The following TMEM71 variants were observed in gnomAD, a reference collection of about 807,000 sequenced individuals.
The protein encoded by TMEM71 is transmembrane protein 71.
In TMEM71, 44 loss-of-function variants were observed where a neutral mutation model predicts 38.0. The observed-to-expected ratio is 1.16, with a 90% CI of 0.91 to 1.49. The LOEUF (loss-of-function observed/expected upper bound fraction) is 1.49. Ranked by LOEUF, TMEM71 falls within the 40% of genes most tolerant of loss-of-function variation. The probability of loss-of-function intolerance (pLI) is 0.00; values close to 1 mark genes in which losing one functional copy is unlikely to be tolerated. For missense variants in TMEM71, 367 were observed against 348.6 expected, an observed-to-expected ratio of 1.05 and a Z score of -0.42; for synonymous variants, 133 against 122.5, an observed-to-expected ratio of 1.09 and a Z score of -0.56.
intron 5 of TMEM71, among the ~76,000 whole-genome samples, chr8:132,733,451 G>A (rs1054964447): frequency 1.3e-5 from 2 of 152,226 alleles, no homozygotes; most frequent in Non-Finnish European, 2.9e-5. Context: ...GCGACTTCAA[G>A]AGAGGAGAAT....
In TMEM71 at chr8:132,727,856, A is replaced by T; in HGVS notation, c.618T>A (p.Ser206=). ...QPPGGNSHSL[S]LQSQLTASER... is the part of the protein sequence containing the mutation. ...CAGAAGCTGTCAACTGGGACTGAAG[A>T]GACAAGCTATGGGAGTTTCCTCCAG... is the stretch of plus-strand genomic sequence containing the variant. The change falls in exon 6 of 10, where the codon TCT becomes TCA. Residue 206 remains serine (S), a synonymous_variant. Coordinates refer to ENST00000677595, the MANE Select transcript of TMEM71 (RefSeq NM_001382403.1). 1 of 1,614,116 alleles carries T rather than the reference A, an allele frequency of 6.2e-7. No individual in the cohort carries two copies. The highest frequency in any genetic ancestry group is 1.1e-5 in the South Asian group (1 of 91,048).
Position 132,728,003 on chromosome 8 carries a change from G to T in TMEM71, c.488-17C>A, listed in dbSNP as rs372815944. The T allele has an allele frequency of 5.7e-6, 9 of 1,574,090 alleles. No individual in the cohort carries two copies. In the African/African-American group the frequency reaches 6.3e-5, roughly 11 times the overall value. On this transcript the variant is annotated splice_polypyrimidine_tract_variant and intron_variant, in intron 5 of 9. Transcript: ENST00000677595. ...AATCATCTGCTGAAAAAGCAGAGGG[G>T]TTCAGTGTGAGTGTGTGTGTGTGTG...
upstream of TMEM71, among the ~76,000 whole-genome samples, chr8:132,764,471 T>C (rs1829339799): frequency 6.6e-6 from 1 of 152,168 alleles, no homozygotes; most frequent in Non-Finnish European, 1.5e-5. Flanking sequence ...CCCTTGCTCC[T>C]CTCTCCTGTG....
chr8:132,709,747 T>G (rs1281870273), downstream of TMEM71, among the ~76,000 whole-genome samples: 1 of 152,100 alleles, frequency 6.6e-6, no homozygotes, highest in Non-Finnish European at 1.5e-5. Flanking sequence ...GGAAAATAAC[T>G]CTGCTGACCT....
chr8:132,707,158 C>T (rs1826106101), downstream of TMEM71, among the ~76,000 whole-genome samples: 1 of 152,072 alleles, frequency 6.6e-6, no homozygotes, highest in Non-Finnish European at 1.5e-5. Flanking sequence ...ACCCAATAGG[C>T]ATATTAAACA....
chr8:132,731,656 C>G (rs918585153), intron 5 of TMEM71, among the ~76,000 whole-genome samples: 4 of 152,136 alleles, frequency 2.6e-5, no homozygotes, highest in African/African-American at 9.7e-5. Context: ...CTGGGAAAGA[C>G]CAACCTGACC....
In TMEM71 at chr8:132,710,973, T is replaced by G. The variant is rs1826201884; in HGVS notation, c.882A>C (p.Lys294Asn). The G allele has an allele frequency of 6.2e-7, 1 of 1,606,338 alleles. No individual in the cohort carries two copies. Among genetic ancestry groups the G allele is most frequent in the Non-Finnish European group, 8.5e-7 (1 of 1,177,872 alleles). Residue 294 changes from lysine to asparagine, a missense_variant, in exon 10 of 10, where the codon AAA becomes AAC. Physicochemically the swap from Lys to Asn is moderately conservative, Grantham distance 94. Coordinates refer to ENST00000677595, the MANE Select transcript of TMEM71 (RefSeq NM_001382403.1). ...AGGCATTCCTAAATGGTTGTCAAAT[T>G]TTGACAAACCTAGATTGGAGAAATA... is the stretch of plus-strand genomic sequence containing the variant. The part of the protein sequence containing the change: ...FKTTACARFV[K>N]I
chr8:132,724,910 T>G (rs1021158986), intron 6 of TMEM71, among the ~76,000 whole-genome samples: 3 of 152,208 alleles, frequency 2.0e-5, no homozygotes, highest in Admixed American at 2.0e-4. Flanking sequence ...ACTCAATTAC[T>G]GGCCTCTTGT....
Position 132,758,857 on chromosome 8 carries a change from A to G in TMEM71, c.23T>C (p.Met8Thr), listed in dbSNP as rs1829176554. 1.9e-6 allele frequency: 3 copies of G among 1,613,824 alleles called. No homozygotes were observed. Among genetic ancestry groups the G allele is most frequent in the South Asian group, 2.2e-5 (2 of 91,078 alleles). The change falls in exon 2 of 10, where the codon ATG becomes ACG. Residue 8 changes from methionine to threonine, a missense_variant. Met to Thr is a moderately conservative substitution (Grantham distance 81, BLOSUM62 -1). Coordinates refer to ENST00000677595, the MANE Select transcript of TMEM71 (RefSeq NM_001382403.1). The part of the protein sequence containing the change: MYRISQL[M>T]STPVASSSRL... ...ACATTTACTTGCTACTGGTGTTGACATCAGTTGAGATATTCGGTACATCTT... is the reference window on the plus strand; with the variant it reads ...ACATTTACTTGCTACTGGTGTTGACGTCAGTTGAGATATTCGGTACATCTT...
intron 3 of TMEM71, among the ~76,000 whole-genome samples, 196 bp from the exon 4 acceptor site, chr8:132,752,193 C>T (rs1828754223): frequency 6.6e-6 from 1 of 152,196 alleles, no homozygotes; most frequent in Non-Finnish European, 1.5e-5. Flanking sequence ...ACTACAGAAA[C>T]TTTAGCGTTT....
Position 132,714,179 on chromosome 8 carries a change from T to G in TMEM71, c.789A>C (p.Thr263=). The G allele has an allele frequency of 1.2e-6, 2 of 1,612,888 alleles. No homozygotes were observed. The highest frequency in any genetic ancestry group is 1.7e-6 in the Non-Finnish European group (2 of 1,179,644). ...FMGEILASVF[T]CSLMITVAYV... ...AAGCTACAGTTATCATCAATGAGCATGTGAAGACACTGGCTAATATTTCTC... is the reference window on the plus strand; with the variant it reads ...AAGCTACAGTTATCATCAATGAGCAGGTGAAGACACTGGCTAATATTTCTC... The change falls in exon 8 of 10, where the codon ACA becomes ACC. Residue 263 remains threonine, a synonymous_variant. Transcript: ENST00000677595.
chr8:132,744,956 C>G (rs1343076787), intron 5 of TMEM71, among the ~76,000 whole-genome samples: 1 of 152,014 alleles, frequency 6.6e-6, no homozygotes, highest in Non-Finnish European at 1.5e-5. Context: ...ATAAATGGAG[C>G]TGGGATAGCT....
intron 7 of TMEM71, among the ~76,000 whole-genome samples, chr8:132,716,512 C>T (rs367914861): frequency 2.6e-5 from 4 of 152,184 alleles, no homozygotes; most frequent in African/African-American, 9.7e-5. Flanking sequence ...AGTGATGCCT[C>T]TTTTTATCCT....
At chr8:132,748,792 T>C (rs1049068062) in intron 4 of TMEM71, among the ~76,000 whole-genome samples, 1 of 152,208 alleles carries the variant, frequency 6.6e-6, no homozygotes, top group African/African-American at 2.4e-5. Context: ...CAAGAATATC[T>C]ATATAACAAG....
chr8:132,721,750 G>A (rs1344257411), intron 7 of TMEM71, among the ~76,000 whole-genome samples: 1 of 151,812 alleles, frequency 6.6e-6, no homozygotes, highest in Non-Finnish European at 1.5e-5. Flanking sequence ...TGGTCAGGCT[G>A]GTCTCGAACT....
In TMEM71 at chr8:132,758,884, G is replaced by C. The variant is rs995441818; in HGVS notation, c.-5C>G. On this transcript the variant is annotated 5_prime_UTR_variant, in exon 2 of 10. Transcript: ENST00000677595. ...CAGTTGAGATATTCGGTACATCTTGGGAAGGCCGCTTGCTCAAACTTCACA... is the reference window on the plus strand; with the variant it reads ...CAGTTGAGATATTCGGTACATCTTGCGAAGGCCGCTTGCTCAAACTTCACA... The C allele has an allele frequency of 6.2e-7, 1 of 1,613,394 alleles. No homozygotes were observed. Among genetic ancestry groups the C allele is most frequent in the Non-Finnish European group, 8.5e-7 (1 of 1,179,606 alleles).
chr8:132,732,015 G>A (rs1025724305), intron 5 of TMEM71, among the ~76,000 whole-genome samples: 6 of 152,166 alleles, frequency 3.9e-5, no homozygotes, highest in East Asian at 3.9e-4. Context: ...GCATGGATAC[G>A]GGCCAGGCAG....
intron 7 of TMEM71, among the ~76,000 whole-genome samples, chr8:132,718,434 G>T (rs1194997048): frequency 8.1e-6 from 1 of 123,800 alleles, no homozygotes; most frequent in Admixed American, 9.2e-5. Context: ...GTCTCGCTCT[G>T]TTGCCCAGCC....
At chr8:132,727,531 C>G (rs1042174055) in intron 6 of TMEM71, among the ~76,000 whole-genome samples, 1 of 152,184 alleles carries the variant, frequency 6.6e-6, no homozygotes, top group African/African-American at 2.4e-5. Flanking sequence ...GCTGGGATTA[C>G]AGGCCTGACC....
Sources: gnomAD v4.1 joint callset for allele counts (sites outside exome capture counted in the v4.1 genomes callset) on GRCh38, gnomAD v4.1.1 for gene constraint, MANE v1.5 for transcripts, NCBI Gene and HGNC (gene_info 2026-07-23, HGNC 2026-07-21) for gene names.